Variants in IL17RE observed in about 807,000 individuals in gnomAD.
IL17RE encodes the protein interleukin-17 receptor E.
A neutral mutation model predicts 70.7 loss-of-function variants in IL17RE; 47 were observed. The observed-to-expected ratio is 0.67, with a 90% CI of 0.53 to 0.85. The LOEUF (loss-of-function observed/expected upper bound fraction) is 0.85, where lower values mean the gene tolerates loss of function less well. Ranked by LOEUF, IL17RE falls within the 40% of genes least tolerant of loss-of-function variation. IL17RE has a pLI of 0.00. For synonymous variants in IL17RE, 372 were observed against 381.2 expected (o/e 0.98, Z 0.28); for missense variants, 850 against 893.9 (o/e 0.95, Z 0.63).
At chr3:9,908,132 G>A in intron 6 of IL17RE, 107 bp from the exon 7 acceptor site, 1 of 856,026 alleles carries the variant, frequency 1.2e-6, no homozygotes, top group Non-Finnish European at 1.9e-6. Context: ...CATATTAGAG[G>A]AAAAACAGGG....
At chr3:9,907,131 C>T (rs1300297483) in intron 6 of IL17RE, 31 bp downstream of exon 6, 31 of 1,613,316 alleles carry the variant, frequency 1.9e-5, no homozygotes, top group East Asian at 4.5e-5. Flanking sequence ...GTAAAAAGCC[C>T]GATCACACAG....
At position 9,915,879 on chromosome 3, in the gene IL17RE, G is replaced by A. The variant is rs112418076; in HGVS notation, c.*72G>A. 178 of 1,430,102 alleles carry A rather than the reference G, an allele frequency of 1.2e-4. No homozygotes were observed. The highest frequency in any genetic ancestry group is 1.6e-4 in the Non-Finnish European group (175 of 1,099,140). 88.6% of individuals were successfully genotyped at this position (1,430,102 alleles called of 1,614,324 possible). A position where few individuals can be genotyped will look rare whatever the true frequency, so the allele number is the denominator to read the frequency against. On this transcript the variant is annotated 3_prime_UTR_variant, in exon 16 of 16. Coordinates refer to ENST00000383814, the MANE Select transcript of IL17RE (RefSeq NM_153480.2). This position sits in a 1 kb window ranked among gnomAD's most constrained non-coding sequence, Gnocchi z 4.9. The stretch of plus-strand genomic sequence containing the variant: ...GACACTGGCTGGAACCCCGGAATGA[G>A]CCTTCGACCCTGAAATCCTTGGGGT...
In IL17RE at chr3:9,914,602, G is replaced by A. The variant is rs1259138214; in HGVS notation, c.1348+3G>A. 3 of 1,613,940 alleles carry A rather than the reference G, an allele frequency of 1.9e-6. No homozygotes were observed. The highest frequency in any genetic ancestry group is 1.3e-5 in the African/African-American group (1 of 75,054). On this transcript the variant is annotated splice_donor_region_variant and intron_variant, in intron 14 of 15. Coordinates refer to ENST00000383814, the MANE Select transcript of IL17RE (RefSeq NM_153480.2). ...GAAGCACCTCTTGTGTCCGGATGGT[G>A]AGTTCTTGGGGAGGGGGAGGTAAGA... is the stretch of plus-strand genomic sequence containing the variant.
chr3:9,915,187 G>A lies in IL17RE; in HGVS notation c.1448-64G>A. 3 of 1,343,936 alleles carry A rather than the reference G, an allele frequency of 2.2e-6. No homozygotes were observed. The highest frequency in any genetic ancestry group is 1.9e-5 in the South Asian group (1 of 51,796). The allele number at this position is 1,343,936 out of a possible 1,614,324, so 83.3% of individuals were successfully genotyped here. On this transcript the variant is annotated intron_variant, in intron 15 of 15. Transcript: ENST00000383814. This position sits in a 1 kb window ranked among gnomAD's most constrained non-coding sequence, Gnocchi z 4.9. The stretch of plus-strand genomic sequence containing the variant: ...GCACCCTACGGTATCCCGAGAGGGT[G>A]GGGAGAAGAGGGCTGAGCAGTCCCT...
At chr3:9,902,595 A>G (rs1211815147), upstream of IL17RE, 2 of 1,534,026 alleles carry the variant, frequency 1.3e-6, no homozygotes, top group Non-Finnish European at 1.7e-6. Flanking sequence ...AGTGTGTTTC[A>G]GGAGTAGGAG....
At chr3:9,903,290 C>A in intron 1 of IL17RE, 107 bp from the exon 2 acceptor site, 1 of 1,303,008 alleles carries the variant, frequency 7.7e-7, no homozygotes, top group Non-Finnish European at 1.1e-6. Flanking sequence ...AGCTATGGGG[C>A]TCAGAATTTG....
chr3:9,911,128 G>A lies in IL17RE; in HGVS notation c.980G>A (p.Trp327Ter), dbSNP rs773710369. 8.7e-6 allele frequency: 14 copies of A among 1,614,036 alleles called. No individual in the cohort carries two copies. The Admixed American group carries it at 1.5e-4, about 17-fold the overall frequency. Residue 327 changes from tryptophan to a stop codon, truncating the protein, a stop_gained and splice_region_variant, in exon 10 of 16, where the codon TGG (tryptophan) becomes TAG (stop). Coordinates refer to ENST00000383814, the MANE Select transcript of IL17RE (RefSeq NM_153480.2). LOFTEE classifies it high-confidence loss of function. ...PNATARESDGWYVLEKVDLHP... is the reference protein window; with the variant it reads ...PNATARESDG Reference sequence around the variant, plus strand: ...ATGAACTCTCCTCTCCTCCCACAGTGGTATGTTTTGGAGAAGGTGGACCTG... The same window carrying A: ...ATGAACTCTCCTCTCCTCCCACAGTAGTATGTTTTGGAGAAGGTGGACCTG...
In IL17RE at chr3:9,904,022, T is replaced by A. The variant is rs780351196; in HGVS notation, c.149-10T>A. 1 of 1,614,038 alleles carries A rather than the reference T, an allele frequency of 6.2e-7. No individual in the cohort carries two copies. Among genetic ancestry groups the A allele is most frequent in the South Asian group, 1.1e-5 (1 of 91,084 alleles). On this transcript the variant is annotated splice_polypyrimidine_tract_variant and intron_variant, in intron 2 of 15. Coordinates refer to ENST00000383814, the MANE Select transcript of IL17RE (RefSeq NM_153480.2). ...ACCCTATCATTTGCTTTCCCTTCCA[T>A]CTTTCCCAGGAAGTTCTGCCTATAT...
At position 9,915,061 on chromosome 3, in the gene IL17RE, T is replaced by C. The variant is rs2082982428; in HGVS notation, c.1448-190T>C. ...GCCCTGACCCTCTCTTCAGAAGGGGTGCCTTTATCTAATTAGCCCATAAGC... is the reference window on the plus strand; with the variant it reads ...GCCCTGACCCTCTCTTCAGAAGGGGCGCCTTTATCTAATTAGCCCATAAGC... On this transcript the variant is annotated intron_variant, in intron 15 of 15. Transcript: ENST00000383814. This position sits in a 1 kb window ranked among gnomAD's most constrained non-coding sequence, Gnocchi z 4.9. 6.6e-6 allele frequency among the ~76,000 whole-genome samples: 1 copy of C among 151,994 alleles called. No homozygotes were observed. Among genetic ancestry groups the C allele is most frequent in the East Asian group, 1.9e-4 (1 of 5,168 alleles).
rs1376224929 is a variant in IL17RE, at chr3:9,902,998, C to T, written c.66C>T (p.Asp22=). 6.2e-7 allele frequency: 1 copy of T among 1,614,268 alleles called. No individual in the cohort carries two copies. Among genetic ancestry groups the T allele is most frequent in the Non-Finnish European group, 8.5e-7 (1 of 1,180,046 alleles). ...PLLLIVIDLS[D]SAGIGFRHLP... ...TCCTCATAGTCATCGACCTCTCTGA[C>T]TCTGCTGGGATTGGCTTTCGCCACC... The change falls in exon 1 of 16, where the codon GAC becomes GAT. Residue 22 remains aspartate, a synonymous_variant. Transcript: ENST00000383814.
At position 9,915,158 on chromosome 3, in the gene IL17RE, G is replaced by A; in HGVS notation, c.1448-93G>A. The A allele has an allele frequency of 7.4e-7, 1 of 1,344,898 alleles. No homozygotes were observed. The highest frequency in any genetic ancestry group is 3.0e-5 in the East Asian group (1 of 33,678). The allele number at this position is 1,344,898 out of a possible 1,614,324, so 83.3% of individuals were successfully genotyped here. On this transcript the variant is annotated intron_variant, in intron 15 of 15. Coordinates refer to ENST00000383814, the MANE Select transcript of IL17RE (RefSeq NM_153480.2). The surrounding 1 kb of genome is among the most constrained non-coding windows in gnomAD (Gnocchi z 4.9). The stretch of plus-strand genomic sequence containing the variant: ...AAGGGGCGGGGGCGGGGGCGGAGAG[G>A]CGAGCACCCTACGGTATCCCGAGAG...
chr3:9,908,360 A>G (rs2082809384), intron 7 of IL17RE, 53 bp downstream of exon 7: 7 of 1,493,816 alleles, frequency 4.7e-6, no homozygotes, highest in South Asian at 1.1e-5. Flanking sequence ...TAAGCCCCCA[A>G]GGTAGCGCAG....
intron 6 of IL17RE, 45 bp from the exon 7 acceptor site, chr3:9,908,194 T>C (rs748962046): frequency 1.3e-6 from 2 of 1,546,120 alleles, no homozygotes; most frequent in South Asian, 1.1e-5. Context: ...GTGCCCATGC[T>C]CTTTCTCAGG....
intron 6 of IL17RE, 73 bp downstream of exon 6, chr3:9,907,173 T>A: frequency 6.4e-7 from 1 of 1,566,962 alleles, no homozygotes; most frequent in Non-Finnish European, 8.7e-7. Flanking sequence ...ATTGTACAAA[T>A]GAGGAAACTG....
At chr3:9,912,391 C>T (rs189306190) in intron 12 of IL17RE, among the ~76,000 whole-genome samples, 12 of 152,182 alleles carry the variant, frequency 7.9e-5, no homozygotes, top group Non-Finnish European at 1.0e-4. Context: ...TACCACTACT[C>T]TCCTGCCTCC....
At chr3:9,912,987 A>G (rs2082927910) in intron 12 of IL17RE, among the ~76,000 whole-genome samples, 1 of 152,248 alleles carries the variant, frequency 6.6e-6, no homozygotes, top group South Asian at 2.1e-4. Flanking sequence ...TCATAGACTA[A>G]TAATAGCTGT....
intron 12 of IL17RE, among the ~76,000 whole-genome samples, chr3:9,912,959 A>G (rs2082927211): frequency 1.3e-5 from 2 of 152,112 alleles, no homozygotes; most frequent in South Asian, 2.1e-4. Context: ...AGAAAAGTAT[A>G]TAACACAGTT....
Position 9,915,531 on chromosome 3 carries a change from C to T in IL17RE, c.1728C>T (p.Pro576=). ...PVSGPDPRAA[P]LLALLHAAPR... ...GCGGCCCCGACCCCCGCGCCGCGCCCCTGCTCGCCCTGCTCCACGCTGCCC... is the reference window on the plus strand; with the variant it reads ...GCGGCCCCGACCCCCGCGCCGCGCCTCTGCTCGCCCTGCTCCACGCTGCCC... The change falls in exon 16 of 16, where the codon CCC becomes CCT. Residue 576 remains proline (P), a synonymous_variant. Coordinates refer to ENST00000383814, the MANE Select transcript of IL17RE (RefSeq NM_153480.2). The surrounding 1 kb of genome is among the most constrained non-coding windows in gnomAD (Gnocchi z 4.9). The T allele has an allele frequency of 1.5e-6, 2 of 1,342,356 alleles. No individual in the cohort carries two copies. Among genetic ancestry groups the T allele is most frequent in the Admixed American group, 3.8e-5 (1 of 26,576 alleles). The allele number at this position is 1,342,356 out of a possible 1,614,324, so 83.2% of individuals were successfully genotyped here.
chr3:9,905,687 G>A (rs1207148446), intron 3 of IL17RE, among the ~76,000 whole-genome samples: 1 of 152,154 alleles, frequency 6.6e-6, no homozygotes, highest in African/African-American at 2.4e-5. Flanking sequence ...GGGCGTGGTG[G>A]CAGGCGTCTG....
Sources: gnomAD v4.1 joint callset for allele counts (sites outside exome capture counted in the v4.1 genomes callset) on GRCh38, gnomAD v4.1.1 for gene constraint, Gnocchi (gnomAD v3.1) non-coding constraint, MANE v1.5 for transcripts, NCBI Gene and HGNC (gene_info 2026-07-23, HGNC 2026-07-21) for gene names.